The following PRLR variants were observed in gnomAD, a reference collection of about 807,000 sequenced individuals.
PRLR encodes prolactin receptor.
In PRLR, 13 loss-of-function variants were observed where a neutral mutation model predicts 40.2. The observed-to-expected ratio is 0.32, with a 90% CI of 0.21 to 0.51. The LOEUF is 0.51. Among genes scored for constraint, PRLR ranks in the 20% least tolerant of loss-of-function variants. PRLR has a pLI of 0.97. For missense variants in PRLR, 656 were observed against 747.3 expected (o/e 0.88, Z 1.42); for synonymous variants, 269 against 278.7 (o/e 0.97, Z 0.35).
Position 35,061,074 on chromosome 5 carries a change from T to C in PRLR, c.*4015A>G, listed in dbSNP as rs1006986291. The C allele has an allele frequency of 6.6e-6, 1 of 152,198 alleles. No individual in the cohort carries two copies. The highest frequency in any genetic ancestry group is 6.5e-5 in the Admixed American group (1 of 15,278). 9.4% of individuals were successfully genotyped at this position (152,198 alleles called of 1,614,324 possible). On this transcript the variant is annotated 3_prime_UTR_variant, in exon 10 of 10. Coordinates refer to ENST00000618457, the MANE Select transcript of PRLR (RefSeq NM_000949.7). Reference sequence around the variant, plus strand: ...GCCCTTAGACCATTTTGTTGTGCCCTTTCTGGCTTCTTCTCATCTCTCCAT... The same window carrying C: ...GCCCTTAGACCATTTTGTTGTGCCCCTTCTGGCTTCTTCTCATCTCTCCAT...
intron 1 of PRLR, among the ~76,000 whole-genome samples, chr5:35,190,529 G>A (rs1198094285): frequency 6.6e-6 from 1 of 151,986 alleles, no homozygotes; most frequent in Admixed American, 6.6e-5. Flanking sequence ...CGCTAGAACT[G>A]GGGAGATGGA....
In PRLR at chr5:35,063,763, C is replaced by T. The variant is rs74675950; in HGVS notation, c.*1326G>A. 12 of 152,226 alleles carry T rather than the reference C, an allele frequency of 7.9e-5. No homozygotes were observed. The highest frequency in any genetic ancestry group is 1.9e-4 in the East Asian group (1 of 5,184). The allele number at this position is 152,226 out of a possible 1,614,324, so 9.4% of individuals were successfully genotyped here. On this transcript the variant is annotated 3_prime_UTR_variant, in exon 10 of 10. Coordinates refer to ENST00000618457, the MANE Select transcript of PRLR (RefSeq NM_000949.7). Reference sequence around the variant, plus strand: ...TCTCTTTTAAACAGCTGTTAGAAATCGTCGCCCTCCCTTTTTATGGTAGCT... The same window carrying T: ...TCTCTTTTAAACAGCTGTTAGAAATTGTCGCCCTCCCTTTTTATGGTAGCT...
chr5:35,082,173 C>T (rs921162240), intron 5 of PRLR, among the ~76,000 whole-genome samples: 2 of 152,110 alleles, frequency 1.3e-5, no homozygotes, highest in African/African-American at 4.8e-5. Context: ...TGCCATGTGC[C>T]ATCAATAAAG....
intron 2 of PRLR, among the ~76,000 whole-genome samples, chr5:35,117,053 C>T (rs1378238178): frequency 2.0e-5 from 3 of 152,094 alleles, no homozygotes; most frequent in Non-Finnish European, 4.4e-5. Context: ...TGGTGTCCTT[C>T]TGGTATTTAG....
intron 1 of PRLR, among the ~76,000 whole-genome samples, chr5:35,226,668 G>C (rs1776561736): frequency 6.6e-6 from 1 of 152,224 alleles, no homozygotes; most frequent in Non-Finnish European, 1.5e-5. Context: ...TTAAGTTCAA[G>C]GGTATCCTTT....
At chr5:35,224,180 G>T (rs1034574285) in intron 1 of PRLR, among the ~76,000 whole-genome samples, 1 of 152,130 alleles carries the variant, frequency 6.6e-6, no homozygotes, top group African/African-American at 2.4e-5. Flanking sequence ...TCCATAGGAC[G>T]CATGGAGAAA....
chr5:35,085,394 T>C (rs2112459211), intron 4 of PRLR, among the ~76,000 whole-genome samples: 1 of 152,332 alleles, frequency 6.6e-6, no homozygotes, highest in Middle Eastern at 3.4e-3. Flanking sequence ...TACCAGCAAC[T>C]AAATATTTTC....
chr5:35,173,542 CTTTA>C, intron 1 of PRLR, among the ~76,000 whole-genome samples: 1 of 152,250 alleles, frequency 6.6e-6, no homozygotes, highest in East Asian at 1.9e-4. Flanking sequence ...GTCCAGGGCA[CTTTA>C]TTTAAGGAAA....
intron 1 of PRLR, among the ~76,000 whole-genome samples, chr5:35,182,157 A>G (rs1299393432): frequency 6.6e-6 from 1 of 152,196 alleles, no homozygotes. Context: ...GCTAAATTTA[A>G]CCACCATCTA....
chr5:35,219,171 G>A (rs143539215), intron 1 of PRLR, among the ~76,000 whole-genome samples: 1 of 152,190 alleles, frequency 6.6e-6, no homozygotes, highest in Non-Finnish European at 1.5e-5. Flanking sequence ...CCCAGTTTTA[G>A]TGTCTCCTAG....
chr5:35,128,189 T>C (rs1160462889), intron 1 of PRLR, among the ~76,000 whole-genome samples: 3 of 151,736 alleles, frequency 2.0e-5, no homozygotes, highest in Non-Finnish European at 4.4e-5. Flanking sequence ...CTAAAATCCA[T>C]TGAATTGTAT....
chr5:35,170,524 A>C (rs760005596), intron 1 of PRLR, among the ~76,000 whole-genome samples: 1 of 152,232 alleles, frequency 6.6e-6, no homozygotes, highest in Non-Finnish European at 1.5e-5. Context: ...AAAATTAGCC[A>C]GGTGCAATGG....
intron 1 of PRLR, among the ~76,000 whole-genome samples, chr5:35,202,918 C>T (rs898390287): frequency 6.6e-6 from 1 of 152,136 alleles, no homozygotes; most frequent in Non-Finnish European, 1.5e-5. Flanking sequence ...CCTGAAAATA[C>T]CAGTGCAAAT....
chr5:35,051,478 A>G (rs1768495857), downstream of PRLR, among the ~76,000 whole-genome samples: 1 of 152,184 alleles, frequency 6.6e-6, no homozygotes, highest in African/African-American at 2.4e-5. Context: ...TCAAGGCTTA[A>G]TTATTGTTTT....
At chr5:35,174,352 A>G (rs1438757837) in intron 1 of PRLR, among the ~76,000 whole-genome samples, 1 of 152,118 alleles carries the variant, frequency 6.6e-6, no homozygotes, top group Non-Finnish European at 1.5e-5. Flanking sequence ...GGCCTCCCAA[A>G]GTGCTAGGAT....
intron 2 of PRLR, among the ~76,000 whole-genome samples, chr5:35,116,913 AT>A (rs1317724706): frequency 6.6e-6 from 1 of 152,082 alleles, no homozygotes; most frequent in Non-Finnish European, 1.5e-5. Context: ...TGGTAGGATA[AT>A]TTTGTCCCCA....
chr5:35,065,909 C>T lies in PRLR; in HGVS notation c.1049G>A (p.Gly350Asp). 6.2e-7 allele frequency: 1 copy of T among 1,614,128 alleles called. No individual in the cohort carries two copies. Among genetic ancestry groups the T allele is most frequent in the South Asian group, 1.1e-5 (1 of 91,072 alleles). The stretch of plus-strand genomic sequence containing the variant: ...GGAAGGGCTGTCACAGCTCCCCCGG[C>T]CTGAGTCAGTGTCAGGATCCAGGTA... Reference protein sequence around the residue: ...PTYLDPDTDSGRGSCDSPSLL... With the variant: ...PTYLDPDTDSDRGSCDSPSLL... The change falls in exon 10 of 10, where the codon GGC becomes GAC. Residue 350 changes from glycine to aspartate, a missense_variant. This residue lies in a region of PRLR where 469 missense variants were observed against 491.5 expected (regional missense o/e 0.95). Transcript: ENST00000618457.
intron 1 of PRLR, among the ~76,000 whole-genome samples, chr5:35,141,852 T>C (rs1774034695): frequency 6.6e-6 from 1 of 152,194 alleles, no homozygotes; most frequent in Admixed American, 6.5e-5. Context: ...GACCACTCTA[T>C]CATCCTGCAT....
At chr5:35,200,488 C>T (rs56047238) in intron 1 of PRLR, among the ~76,000 whole-genome samples, 17,803 of 152,142 alleles carry the variant, frequency 0.12, 1,141 homozygotes, top group Non-Finnish European at 0.13. Flanking sequence ...ATATATTCTT[C>T]GTGAAGGGCA....
Sources: allele counts gnomAD v4.1 joint callset (sites outside exome capture counted in the v4.1 genomes callset), GRCh38; gene constraint gnomAD v4.1.1; regional missense constraint gnomAD v4.1.1; transcripts MANE v1.5; gene names NCBI Gene and HGNC (gene_info 2026-07-23, HGNC 2026-07-21).